Variants in TACR3 observed in about 807,000 individuals in gnomAD.
TACR3 encodes the protein neuromedin-K receptor.
A neutral mutation model predicts 35.0 loss-of-function variants in TACR3; 34 were observed. That is an observed-to-expected ratio of 0.97 (90% CI 0.74 to 1.30). The LOEUF (loss-of-function observed/expected upper bound fraction) is 1.30, where lower values mean the gene tolerates loss of function less well. Ranked by LOEUF, TACR3 falls within the 50% of genes most tolerant of loss-of-function variation. The probability of loss-of-function intolerance (pLI) is 0.00; values close to 1 mark genes in which losing one functional copy is unlikely to be tolerated. For synonymous variants in TACR3, 233 were observed against 221.1 expected, an observed-to-expected ratio of 1.05 and a Z score of -0.48; for missense variants, 558 against 591.7, an observed-to-expected ratio of 0.94 and a Z score of 0.59.
intron 1 of TACR3, among the ~76,000 whole-genome samples, chr4:103,677,519 G>A (rs142980493): frequency 1.3e-5 from 2 of 152,300 alleles, no homozygotes; most frequent in Non-Finnish European, 2.9e-5. Context: ...GGAATACTAT[G>A]CAGCCCTAAA....
intron 3 of TACR3, among the ~76,000 whole-genome samples, chr4:103,601,141 C>T (rs1465793568): frequency 6.6e-6 from 1 of 152,078 alleles, no homozygotes; most frequent in Non-Finnish European, 1.5e-5. Flanking sequence ...CTGGGTGCTC[C>T]TGTATTGGGT....
At chr4:103,611,563 C>T (rs988571982) in intron 3 of TACR3, among the ~76,000 whole-genome samples, 19 of 152,242 alleles carry the variant, frequency 1.2e-4, no homozygotes, top group African/African-American at 4.6e-4. Context: ...ACATGCATTA[C>T]CTCTTTTGAA....
At chr4:103,641,706 C>A (rs1725359905) in intron 3 of TACR3, among the ~76,000 whole-genome samples, 2 of 151,798 alleles carry the variant, frequency 1.3e-5, no homozygotes, top group African/African-American at 4.8e-5. Context: ...TTCACAATAG[C>A]CAAGATATGT....
chr4:103,696,707 G>T (rs1176825796), intron 1 of TACR3, among the ~76,000 whole-genome samples: 1 of 151,932 alleles, frequency 6.6e-6, no homozygotes, highest in African/African-American at 2.4e-5. Context: ...CTTCCTTTAG[G>T]TTGATAAGTT....
chr4:103,643,233 G>A (rs1024623211), intron 3 of TACR3, among the ~76,000 whole-genome samples: 3 of 151,844 alleles, frequency 2.0e-5, no homozygotes, highest in African/African-American at 7.3e-5. Context: ...CATACTTCAA[G>A]TGTTAAATAG....
At chr4:103,671,654 TTTTA>T (rs1352993954) in intron 1 of TACR3, among the ~76,000 whole-genome samples, 1 of 152,068 alleles carries the variant, frequency 6.6e-6, no homozygotes, top group African/African-American at 2.4e-5. Flanking sequence ...TCAACTCTGA[TTTTA>T]TTTATTTATA....
At chr4:103,690,631 C>A (rs1722383179) in intron 1 of TACR3, among the ~76,000 whole-genome samples, 1 of 152,032 alleles carries the variant, frequency 6.6e-6, no homozygotes, top group African/African-American at 2.4e-5. Context: ...CACCTATTAG[C>A]CCTGTAATTT....
intron 3 of TACR3, among the ~76,000 whole-genome samples, chr4:103,599,963 G>C (rs1377633480): frequency 6.6e-6 from 1 of 152,116 alleles, no homozygotes; most frequent in African/African-American, 2.4e-5. Context: ...GATGATGCTG[G>C]CCTCATAAAA....
At chr4:103,661,660 G>T (rs1048619801) in intron 1 of TACR3, among the ~76,000 whole-genome samples, 42 of 152,004 alleles carry the variant, frequency 2.8e-4, no homozygotes, top group African/African-American at 9.9e-4. Flanking sequence ...GCTAGAGAAG[G>T]TATTTTCTGA....
chr4:103,590,060 A>T, intron 4 of TACR3, 66 bp from the exon 5 acceptor site: 1 of 1,554,004 alleles, frequency 6.4e-7, no homozygotes, highest in Non-Finnish European at 8.7e-7. Context: ...TTCAGCTGCC[A>T]CAGAAAATTC....
intron 1 of TACR3, among the ~76,000 whole-genome samples, chr4:103,694,746 A>G (rs1238506365): frequency 6.6e-6 from 1 of 152,206 alleles, no homozygotes; most frequent in Non-Finnish European, 1.5e-5. Context: ...CCTTGTAAAC[A>G]CTAACCAGAA....
intron 3 of TACR3, among the ~76,000 whole-genome samples, chr4:103,620,037 C>A (rs576759239): frequency 6.6e-6 from 1 of 151,298 alleles, no homozygotes; most frequent in African/African-American, 2.4e-5. Context: ...CTATAGGGAA[C>A]TTAAATCAAC....
chr4:103,629,881 C>A (rs28813761), intron 3 of TACR3, among the ~76,000 whole-genome samples: 6,404 of 117,466 alleles, frequency 0.055, 721 homozygotes, highest in African/African-American at 0.21. Flanking sequence ...ACAAAAAAAA[C>A]AACAACAACA....
chr4:103,608,760 G>A (rs977727125), intron 3 of TACR3, among the ~76,000 whole-genome samples: 35 of 152,058 alleles, frequency 2.3e-4, no homozygotes, highest in African/African-American at 8.4e-4. Context: ...AAACTTTGGG[G>A]AGGTGGACAT....
chr4:103,613,766 G>A (rs1389583176), intron 3 of TACR3, among the ~76,000 whole-genome samples: 3 of 152,220 alleles, frequency 2.0e-5, no homozygotes, highest in East Asian at 1.9e-4. Context: ...AGATCAGGGT[G>A]CCAGCATGGT....
chr4:103,631,243 G>A (rs1415697136), intron 3 of TACR3, among the ~76,000 whole-genome samples: 1 of 152,032 alleles, frequency 6.6e-6, no homozygotes, highest in Non-Finnish European at 1.5e-5. Flanking sequence ...GAGTTGATGA[G>A]TGCAGCAAAC....
At chr4:103,637,617 G>A (rs1215565610) in intron 3 of TACR3, among the ~76,000 whole-genome samples, 1 of 152,064 alleles carries the variant, frequency 6.6e-6, no homozygotes, top group South Asian at 2.1e-4. Context: ...GGAAATAAAG[G>A]GTATTCAGTT....
intron 1 of TACR3, among the ~76,000 whole-genome samples, chr4:103,687,171 A>G (rs1722269299): frequency 6.6e-6 from 1 of 152,164 alleles, no homozygotes; most frequent in African/African-American, 2.4e-5. Flanking sequence ...ATAGATGCAG[A>G]AAAGGCCTTT....
At chr4:103,647,933 T>C (rs1238559550) in intron 3 of TACR3, among the ~76,000 whole-genome samples, 1 of 152,004 alleles carries the variant, frequency 6.6e-6, no homozygotes, top group Non-Finnish European at 1.5e-5. Flanking sequence ...CTAGGTTCTA[T>C]ATAACATAAA....
Sources: gnomAD v4.1 joint callset for allele counts (sites outside exome capture counted in the v4.1 genomes callset) on GRCh38, gnomAD v4.1.1 for gene constraint, MANE v1.5 for transcripts, NCBI Gene and HGNC (gene_info 2026-07-23, HGNC 2026-07-21) for gene names.